Variants in PPFIBP1 observed in about 807,000 individuals in gnomAD.
PPFIBP1 encodes the protein liprin-beta-1.
A neutral mutation model predicts 137.8 loss-of-function variants in PPFIBP1; 112 were observed. The ratio of observed to expected loss-of-function variants is 0.81; its 90% CI spans 0.70 to 0.95. The LOEUF (loss-of-function observed/expected upper bound fraction) is 0.95. Among genes scored for constraint, PPFIBP1 ranks in the 40% least tolerant of loss-of-function variants. The pLI is 0.00. For missense variants in PPFIBP1, 1,083 were observed against 1,196.6 expected, an observed-to-expected ratio of 0.91 and a Z score of 1.40; for synonymous variants, 378 against 417.3, an observed-to-expected ratio of 0.91 and a Z score of 1.15.
Position 27,674,127 on chromosome 12 carries a change from G to A in PPFIBP1, c.1381-65G>A. Reference sequence around the variant, plus strand: ...TATTTTAACTTATGGAGTTGTATGTGACAAATTCAGAATTATACAAAGGAT... The same window carrying A: ...TATTTTAACTTATGGAGTTGTATGTAACAAATTCAGAATTATACAAAGGAT... On this transcript the variant is annotated intron_variant, in intron 16 of 29. Coordinates refer to ENST00000228425, the MANE Select transcript of PPFIBP1 (RefSeq NM_003622.4). The A allele has an allele frequency of 2.3e-6, 3 of 1,289,438 alleles. No homozygotes were observed. The Admixed American group carries it at 6.4e-5, about 28-fold the overall frequency. 79.9% of individuals were successfully genotyped at this position (1,289,438 alleles called of 1,614,324 possible).
At chr12:27,644,138 G>A (rs544499323) in intron 4 of PPFIBP1, among the ~76,000 whole-genome samples, 183 of 151,844 alleles carry the variant, frequency 1.2e-3, no homozygotes, top group Non-Finnish European at 2.0e-3. Context: ...GTGCAGTGGC[G>A]CAAACATGGC....
chr12:27,597,580 T>C (rs1398771788), intron 2 of PPFIBP1, among the ~76,000 whole-genome samples: 6 of 152,160 alleles, frequency 3.9e-5, no homozygotes, highest in Non-Finnish European at 7.3e-5. Context: ...TAAAAAACAA[T>C]TCATAAGTAG....
intron 2 of PPFIBP1, among the ~76,000 whole-genome samples, chr12:27,581,335 G>A (rs999948588): frequency 5.9e-5 from 9 of 152,202 alleles, no homozygotes; most frequent in East Asian, 1.9e-4. Context: ...CTGTCTGGTT[G>A]TACCACTTTT....
At chr12:27,680,992 T>TA (rs1425564290) in intron 21 of PPFIBP1, among the ~76,000 whole-genome samples, 8 of 150,996 alleles carry the variant, frequency 5.3e-5, no homozygotes, top group South Asian at 4.2e-4. Context: ...TTGTACTATT[T>TA]AAAAAAAACC....
chr12:27,553,347 T>C (rs983552173), intron 1 of PPFIBP1, among the ~76,000 whole-genome samples: 1 of 152,184 alleles, frequency 6.6e-6, no homozygotes, highest in Non-Finnish European at 1.5e-5. Flanking sequence ...AATGCTGTTT[T>C]GTGCTCTGCT....
intron 22 of PPFIBP1, 30 bp from the exon 23 acceptor site, chr12:27,682,357 G>T (rs771155642): frequency 1.3e-6 from 2 of 1,505,002 alleles, no homozygotes; most frequent in Admixed American, 3.4e-5. Flanking sequence ...TATACAGATA[G>T]AATTATAAAG....
chr12:27,598,017 C>T (rs1348824853), intron 2 of PPFIBP1, among the ~76,000 whole-genome samples: 1 of 152,020 alleles, frequency 6.6e-6, no homozygotes, highest in Non-Finnish European at 1.5e-5. Flanking sequence ...GTCAGCCAGG[C>T]TGGTGTCAAA....
At chr12:27,648,052 T>C in intron 6 of PPFIBP1, 1 of 544,914 alleles carries the variant, frequency 1.8e-6, no homozygotes, top group Admixed American at 4.4e-5. Context: ...GAACAAAATG[T>C]CAATAGGATT....
chr12:27,664,377 G>A lies in PPFIBP1; in HGVS notation c.922G>A (p.Asp308Asn). The A allele has an allele frequency of 1.2e-6, 2 of 1,610,538 alleles. No individual in the cohort carries two copies. Among genetic ancestry groups the A allele is most frequent in the Non-Finnish European group, 1.7e-6 (2 of 1,177,140 alleles). The change falls in exon 12 of 30, where the codon GAT becomes AAT. Residue 308 changes from aspartate (D) to asparagine (N), a missense_variant. Transcript: ENST00000228425. ...ANEEKDRKIE[D>N]LRQCLNRYKK... Reference sequence around the variant, plus strand: ...TTATTCCTAGGATCGGAAAATAGAAGATCTTCGACAGTGCCTGAACAGGTA... The same window carrying A: ...TTATTCCTAGGATCGGAAAATAGAAAATCTTCGACAGTGCCTGAACAGGTA...
chr12:27,588,221 T>C (rs1302681370), intron 2 of PPFIBP1, among the ~76,000 whole-genome samples: 2 of 152,222 alleles, frequency 1.3e-5, no homozygotes, highest in Non-Finnish European at 2.9e-5. Flanking sequence ...ACCTTTCCAT[T>C]GTAAAGGTGC....
chr12:27,685,368 C>G (rs1289228055), intron 24 of PPFIBP1, among the ~76,000 whole-genome samples: 1 of 151,732 alleles, frequency 6.6e-6, no homozygotes, highest in Non-Finnish European at 1.5e-5. Context: ...AGGAAGGAAT[C>G]GAGAGGTTGG....
intron 1 of PPFIBP1, among the ~76,000 whole-genome samples, chr12:27,525,219 C>A (rs1049334944): frequency 2.0e-5 from 3 of 152,052 alleles, no homozygotes; most frequent in Non-Finnish European, 4.4e-5. Context: ...TCCTTGCTTT[C>A]AGTAAGAACT....
In PPFIBP1 at chr12:27,553,484, A is replaced by C. The variant is rs1249927201; in HGVS notation, c.-123-24668A>C. ...TACACACCATGACATGTGTTGGGAA[A>C]GTCCCTGGTGCTGGATGAGTTCTCC... On this transcript the variant is annotated intron_variant, in intron 1 of 29. Coordinates refer to ENST00000228425, the MANE Select transcript of PPFIBP1 (RefSeq NM_003622.4). Among the ~76,000 whole-genome samples, 6 of 152,328 alleles carry C rather than the reference A, an allele frequency of 3.9e-5. No individual in the cohort carries two copies. The East Asian group carries it at 9.6e-4, about 24-fold the overall frequency.
At chr12:27,594,070 T>C in intron 2 of PPFIBP1, 2 of 1,287,750 alleles carry the variant, frequency 1.6e-6, no homozygotes, top group South Asian at 6.8e-5. Context: ...TCTCTCAACT[T>C]GAGAAGCTTC....
chr12:27,525,455 A>G (rs1412659327), intron 1 of PPFIBP1, among the ~76,000 whole-genome samples: 1 of 148,078 alleles, frequency 6.8e-6, no homozygotes, highest in African/African-American at 2.5e-5. Flanking sequence ...AATTGACTCC[A>G]TACACCGATT....
rs1400618339 is a variant in PPFIBP1 at position 27,643,568 on chromosome 12, C to T, written c.271-2494C>T. Among the ~76,000 whole-genome samples the T allele has an allele frequency of 9.0e-5, 11 of 122,306 alleles. 1 individual carries two copies. The highest frequency in any genetic ancestry group is 2.6e-4 in the South Asian group (1 of 3,880). 80.2% of individuals were successfully genotyped at this position (122,306 alleles called of 152,430 possible). On this transcript the variant is annotated intron_variant, in intron 4 of 29. Coordinates refer to ENST00000228425, the MANE Select transcript of PPFIBP1 (RefSeq NM_003622.4). ...AAGAAGAAGAAAGGGTGGGAAAAGA[C>T]GGTCCGTGCAGAAGGAATAAAAGTA...
At chr12:27,567,480 T>G (rs2049780855) in intron 1 of PPFIBP1, among the ~76,000 whole-genome samples, 1 of 152,226 alleles carries the variant, frequency 6.6e-6, no homozygotes, top group South Asian at 2.1e-4. Context: ...TACAATTACC[T>G]TTTAGACATA....
chr12:27,524,615 C>T (rs1943507230), intron 1 of PPFIBP1, among the ~76,000 whole-genome samples: 1 of 151,986 alleles, frequency 6.6e-6, no homozygotes, highest in Non-Finnish European at 1.5e-5. Context: ...TTGTCTGTAT[C>T]CTTAGACCCC....
rs1297016089 is a variant in PPFIBP1, at chr12:27,694,986, C to G, written c.*2104C>G. The G allele has an allele frequency of 6.6e-6, 1 of 152,116 alleles. No homozygotes were observed. Among genetic ancestry groups the G allele is most frequent in the Non-Finnish European group, 1.5e-5 (1 of 68,048 alleles). 9.4% of individuals were successfully genotyped at this position (152,116 alleles called of 1,614,324 possible). On this transcript the variant is annotated 3_prime_UTR_variant, in exon 30 of 30. Transcript: ENST00000228425. ...AATAATAATTTTCTTTAAACTCTAC[C>G]ATTCATTATGTGGTAACTGTATTGA...
Sources: gnomAD v4.1 joint callset for allele counts (sites outside exome capture counted in the v4.1 genomes callset) on GRCh38, gnomAD v4.1.1 for gene constraint, MANE v1.5 for transcripts, NCBI Gene and HGNC (gene_info 2026-07-23, HGNC 2026-07-21) for gene names.